Variants in SNX29 observed in about 807,000 individuals in gnomAD.
SNX29 encodes the protein sorting nexin-29.
Under a neutral mutation model 102.1 loss-of-function variants are expected in SNX29, and 78 were observed. That is an observed-to-expected ratio of 0.76 (90% CI 0.64 to 0.92). The LOEUF (loss-of-function observed/expected upper bound fraction) is 0.92, where lower values mean the gene tolerates loss of function less well. Among genes scored for constraint, SNX29 ranks in the 40% least tolerant of loss-of-function variants. The pLI, the probability that SNX29 is intolerant of heterozygous loss-of-function variation, is 0.00. For synonymous variants in SNX29, 580 were observed against 414.5 expected (o/e 1.40, Z -4.85); for missense variants, 1,280 against 1,061.7 (o/e 1.21, Z -2.86).
At chr16:12,203,640 G>A (rs1445682316) in intron 14 of SNX29, among the ~76,000 whole-genome samples, 1 of 152,208 alleles carries the variant, frequency 6.6e-6, no homozygotes, top group Non-Finnish European at 1.5e-5. Context: ...TGCATGTTCA[G>A]CTGGGAGGCT....
In SNX29 at chr16:12,570,427, T is replaced by C. The variant is rs114317052; in HGVS notation, c.*1798T>C. On this transcript the variant is annotated 3_prime_UTR_variant, in exon 21 of 21. Coordinates refer to ENST00000566228, the MANE Select transcript of SNX29 (RefSeq NM_032167.5). The stretch of plus-strand genomic sequence containing the variant: ...CATCAGCTCACATGACTGGCAACTC[T>C]AAATAGAGAGCCCTAATGGACTGAG... 1,106 of 250,356 alleles carry C rather than the reference T, an allele frequency of 4.4e-3. 14 individuals carry two copies. Among genetic ancestry groups the C allele is most frequent in the African/African-American group, 0.023 (1,034 of 45,692 alleles). 15.5% of individuals were successfully genotyped at this position (250,356 alleles called of 1,614,324 possible).
chr16:12,561,044 C>G (rs898025294), intron 20 of SNX29: 11 of 222,708 alleles, frequency 4.9e-5, no homozygotes, highest in African/African-American at 2.2e-4. Context: ...CCATTTCAAA[C>G]CAAGAGGTAG....
intron 8 of SNX29, among the ~76,000 whole-genome samples, chr16:12,055,182 A>T (rs1001218929): frequency 5.4e-5 from 8 of 147,374 alleles, no homozygotes; most frequent in Admixed American, 1.4e-4. Context: ...TTCTACCTCT[A>T]TCTGTACCTC....
rs139146437 is a variant in SNX29, at chr16:12,557,956, C to T, written c.2319-10550C>T. 1.1e-3 allele frequency among the ~76,000 whole-genome samples: 163 copies of T among 152,170 alleles called. 1 individual carries two copies. The highest frequency in any genetic ancestry group is 3.7e-3 in the African/African-American group (154 of 41,472). On this transcript the variant is annotated intron_variant, in intron 20 of 20. Coordinates refer to ENST00000566228, the MANE Select transcript of SNX29 (RefSeq NM_032167.5). ...TATTTTCATTCACCGCTTGCCCTGT[C>T]TTCCTGTGGGTCTTCTGCTTAAGAT...
At chr16:12,359,940 C>T (rs1224592731) in intron 16 of SNX29, among the ~76,000 whole-genome samples, 1 of 152,184 alleles carries the variant, frequency 6.6e-6, no homozygotes, top group Non-Finnish European at 1.5e-5. Context: ...TCTCATGCCT[C>T]AGCCTCCTGA....
chr16:12,507,489 G>C (rs925153710), intron 19 of SNX29, among the ~76,000 whole-genome samples: 8 of 152,190 alleles, frequency 5.3e-5, no homozygotes, highest in Non-Finnish European at 1.0e-4. Context: ...TCTGTTTCTT[G>C]TTGATGTTAC....
intron 13 of SNX29, 97 bp from the exon 14 acceptor site, chr16:12,199,504 T>C (rs1273967122): frequency 6.2e-6 from 6 of 970,758 alleles, no homozygotes; most frequent in Admixed American, 2.4e-5. Context: ...AATTGTGCTT[T>C]TCTTTACACA....
chr16:12,303,272 C>T (rs538754434), intron 15 of SNX29, among the ~76,000 whole-genome samples: 7 of 152,294 alleles, frequency 4.6e-5, no homozygotes, highest in Non-Finnish European at 7.3e-5. Context: ...CACTTGCCCA[C>T]GAACACCAGG....
At chr16:12,473,985 A>G (rs1364710292) in intron 18 of SNX29, among the ~76,000 whole-genome samples, 2 of 152,176 alleles carry the variant, frequency 1.3e-5, no homozygotes, top group African/African-American at 2.4e-5. Flanking sequence ...TTCCTAATCA[A>G]CTTGCTTTCA....
intron 13 of SNX29, among the ~76,000 whole-genome samples, chr16:12,178,424 A>G (rs1210532346): frequency 6.6e-6 from 1 of 152,150 alleles, no homozygotes; most frequent in Admixed American, 6.5e-5. Context: ...GTTCCATGGA[A>G]TGCAACCCTC....
chr16:12,496,219 T>C (rs1244099158), intron 19 of SNX29, among the ~76,000 whole-genome samples: 1 of 152,230 alleles, frequency 6.6e-6, no homozygotes, highest in Non-Finnish European at 1.5e-5. Flanking sequence ...AATTGTGCCT[T>C]GCACAAAGTT....
intron 20 of SNX29, among the ~76,000 whole-genome samples, chr16:12,563,079 A>G (rs1054091195): frequency 5.3e-5 from 8 of 151,136 alleles, no homozygotes; most frequent in African/African-American, 1.7e-4. Flanking sequence ...AGAGAAATCC[A>G]GAATGTTACA....
chr16:12,529,118 C>T (rs780996338), intron 20 of SNX29, among the ~76,000 whole-genome samples: 3 of 152,228 alleles, frequency 2.0e-5, no homozygotes, highest in Non-Finnish European at 2.9e-5. Flanking sequence ...CTCCCAGTCT[C>T]TGTGCCTCCC....
chr16:12,563,326 C>T (rs561833237), intron 20 of SNX29, among the ~76,000 whole-genome samples: 21 of 152,310 alleles, frequency 1.4e-4, no homozygotes, highest in Non-Finnish European at 2.6e-4. Context: ...GAGAGAGTCA[C>T]CGTCGAGGAG....
At chr16:12,510,077 A>G (rs1331517653) in intron 19 of SNX29, among the ~76,000 whole-genome samples, 1 of 152,188 alleles carries the variant, frequency 6.6e-6, no homozygotes, top group East Asian at 1.9e-4. Flanking sequence ...GCATCCCTGC[A>G]CTCTGCCTCC....
At chr16:12,054,512 C>G (rs1022122552) in intron 8 of SNX29, among the ~76,000 whole-genome samples, 3 of 152,244 alleles carry the variant, frequency 2.0e-5, no homozygotes, top group African/African-American at 7.2e-5. Flanking sequence ...AACAGAACAA[C>G]AAGTGAAGGC....
At chr16:12,189,134 C>A (rs1324577287) in intron 13 of SNX29, among the ~76,000 whole-genome samples, 1 of 152,170 alleles carries the variant, frequency 6.6e-6, no homozygotes, top group Non-Finnish European at 1.5e-5. Context: ...TAATTTTTCA[C>A]CCCTGAGTCT....
intron 18 of SNX29, among the ~76,000 whole-genome samples, chr16:12,473,256 G>C (rs1234090808): frequency 1.3e-5 from 2 of 152,230 alleles, no homozygotes; most frequent in African/African-American, 4.8e-5. Context: ...TTGAAGCACT[G>C]TTGTTGTGGA....
intron 18 of SNX29, among the ~76,000 whole-genome samples, chr16:12,407,355 A>G (rs1334960437): frequency 6.8e-6 from 1 of 147,560 alleles, no homozygotes; most frequent in Non-Finnish European, 1.5e-5. Context: ...ATTCATTTTT[A>G]CATTTGCCTC....
Sources: allele counts gnomAD v4.1 joint callset (sites outside exome capture counted in the v4.1 genomes callset), GRCh38; gene constraint gnomAD v4.1.1; transcripts MANE v1.5; gene names NCBI Gene and HGNC (gene_info 2026-07-23, HGNC 2026-07-21).